SOX5: variants seen among roughly 807,000 people sequenced by gnomAD.
SOX5 encodes SRY-box transcription factor 5.
Under a neutral mutation model 92.0 loss-of-function variants are expected in SOX5, and 9 were observed. The ratio of observed to expected loss-of-function variants is 0.10; its 90% CI spans 0.06 to 0.17. SOX5 has a LOEUF of 0.17. SOX5 is among the 10% of genes least tolerant of loss of function. The pLI is 1.00. For synonymous variants in SOX5, 344 were observed against 336.3 expected (o/e 1.02, Z -0.25); for missense variants, 642 against 944.5 (o/e 0.68, Z 4.20).
intron 8 of SOX5, among the ~76,000 whole-genome samples, chr12:23,605,866 A>C (rs2075188810): frequency 6.6e-6 from 1 of 152,082 alleles, no homozygotes. Flanking sequence ...AATTAATGTA[A>C]AATATATCCC....
At chr12:24,169,589 G>A (rs558875532) in intron 4 of SOX5, among the ~76,000 whole-genome samples, 33 of 152,274 alleles carry the variant, frequency 2.2e-4, no homozygotes, top group African/African-American at 4.6e-4. Flanking sequence ...TCCTGTCCTC[G>A]TTCATTCATC....
intron 4 of SOX5, among the ~76,000 whole-genome samples, chr12:24,089,988 A>G (rs1944448397): frequency 6.6e-6 from 1 of 152,166 alleles, no homozygotes; most frequent in Non-Finnish European, 1.5e-5. Context: ...TTATTCAAGG[A>G]ATCAATACGT....
At chr12:24,105,227 A>G (rs1223247275) in intron 4 of SOX5, among the ~76,000 whole-genome samples, 1 of 152,174 alleles carries the variant, frequency 6.6e-6, no homozygotes, top group African/African-American at 2.4e-5. Context: ...ATGCTGAATA[A>G]AAAACAAGGA....
At chr12:23,887,612 A>C (rs906803334) in intron 2 of SOX5, among the ~76,000 whole-genome samples, 1 of 152,122 alleles carries the variant, frequency 6.6e-6, no homozygotes, top group Non-Finnish European at 1.5e-5. Context: ...CAAGTATTTC[A>C]TCATTCTCTC....
intron 1 of SOX5, among the ~76,000 whole-genome samples, chr12:24,517,399 G>A (rs1023086959): frequency 1.7e-4 from 26 of 152,158 alleles, no homozygotes; most frequent in Admixed American, 5.2e-4. Flanking sequence ...CAAAAAGCAC[G>A]GGAAACACAG....
In SOX5 at chr12:24,313,078, G is replaced by A. The variant is rs77317593; in HGVS notation, c.-173-35766C>T. Among the ~76,000 whole-genome samples, 133 of 152,288 alleles carry A rather than the reference G, an allele frequency of 8.7e-4. No individual in the cohort carries two copies. The East Asian group carries it at 0.019, about 21-fold the overall frequency. On this transcript the variant is annotated intron_variant, in intron 2 of 4. Transcript: ENST00000446891. ...ATACAAGGTTCCTGAGGCAAAGGGT[G>A]TGAGCACAAGAAGTTACATGCTCAC... is the stretch of plus-strand genomic sequence containing the variant.
chr12:24,408,129 G>A (rs1330868277), intron 1 of SOX5, among the ~76,000 whole-genome samples: 2 of 152,126 alleles, frequency 1.3e-5, no homozygotes, highest in Non-Finnish European at 2.9e-5. Flanking sequence ...TGCTAAGCGT[G>A]TCCAGGAACA....
At chr12:23,949,336 T>C (rs1945156624) in intron 1 of SOX5, among the ~76,000 whole-genome samples, 1 of 152,112 alleles carries the variant, frequency 6.6e-6, no homozygotes, top group African/African-American at 2.4e-5. Context: ...AATTTGCTGT[T>C]ATAGGACGCA....
intron 2 of SOX5, among the ~76,000 whole-genome samples, chr12:24,287,866 C>A (rs946586037): frequency 2.6e-5 from 4 of 152,004 alleles, no homozygotes; most frequent in African/African-American, 9.7e-5. Context: ...AACAACAATG[C>A]AGCAGGAAAC....
At chr12:24,112,517 G>A (rs917450372) in intron 4 of SOX5, among the ~76,000 whole-genome samples, 1 of 125,094 alleles carries the variant, frequency 8.0e-6, no homozygotes, top group Non-Finnish European at 1.7e-5. Flanking sequence ...CAACTTCAAG[G>A]TTCCTTTTTT....
chr12:23,665,219 C>T (rs1430265034), intron 7 of SOX5, among the ~76,000 whole-genome samples: 2 of 152,124 alleles, frequency 1.3e-5, no homozygotes, highest in African/African-American at 4.8e-5. Flanking sequence ...CACTGTAAAT[C>T]GAAGTCATGA....
At chr12:23,743,319 C>CT (rs999318804) in intron 4 of SOX5, among the ~76,000 whole-genome samples, 3 of 151,018 alleles carry the variant, frequency 2.0e-5, no homozygotes, top group African/African-American at 4.9e-5. Flanking sequence ...TTTCTTTTTT[C>CT]TTTTTTTTGA....
At chr12:24,223,899 G>A (rs1961189641) in intron 3 of SOX5, among the ~76,000 whole-genome samples, 1 of 152,196 alleles carries the variant, frequency 6.6e-6, no homozygotes, top group South Asian at 2.1e-4. Flanking sequence ...CTTTTTCTGT[G>A]ACACTAGTGG....
At chr12:23,694,318 C>T (rs2089432212) in intron 6 of SOX5, among the ~76,000 whole-genome samples, 1 of 152,142 alleles carries the variant, frequency 6.6e-6, no homozygotes, top group Non-Finnish European at 1.5e-5. Context: ...AGCTACTTCC[C>T]TTTAAATATT....
At chr12:24,018,976 A>T (rs1322605665) in intron 4 of SOX5, among the ~76,000 whole-genome samples, 1 of 152,090 alleles carries the variant, frequency 6.6e-6, no homozygotes, top group Non-Finnish European at 1.5e-5. Flanking sequence ...TCAATTTAAA[A>T]TATAATCATG....
chr12:23,975,932 T>C (rs1472767818), intron 4 of SOX5, among the ~76,000 whole-genome samples: 1 of 152,184 alleles, frequency 6.6e-6, no homozygotes, highest in Non-Finnish European at 1.5e-5. Flanking sequence ...TTATAATTAG[T>C]ATATTTCTTC....
chr12:23,632,874 C>G (rs2078730398), intron 8 of SOX5, among the ~76,000 whole-genome samples: 1 of 151,994 alleles, frequency 6.6e-6, no homozygotes, highest in African/African-American at 2.4e-5. Flanking sequence ...AAGCTGTAAG[C>G]CCATGAGGTT....
intron 2 of SOX5, among the ~76,000 whole-genome samples, chr12:23,849,365 C>A (rs893701205): frequency 1.3e-5 from 2 of 152,098 alleles, no homozygotes; most frequent in Admixed American, 6.6e-5. Context: ...TTAGGCACTG[C>A]GTAAAGTGCT....
intron 7 of SOX5, among the ~76,000 whole-genome samples, chr12:23,652,237 T>C (rs1431205179): frequency 6.6e-6 from 1 of 152,102 alleles, no homozygotes; most frequent in East Asian, 1.9e-4. Context: ...TCTCTAATTA[T>C]ATCTATACAT....
Sources: gnomAD v4.1 joint callset for allele counts (sites outside exome capture counted in the v4.1 genomes callset) on GRCh38, gnomAD v4.1.1 for gene constraint, MANE v1.5 for transcripts, NCBI Gene and HGNC (gene_info 2026-07-23, HGNC 2026-07-21) for gene names.